DLGAP4: variants seen among roughly 807,000 people sequenced by gnomAD.
DLGAP4 encodes disks large-associated protein 4.
In DLGAP4, 18 loss-of-function variants were observed where a neutral mutation model predicts 86.9. That is an observed-to-expected ratio of 0.21 (90% CI 0.14 to 0.31). The LOEUF (loss-of-function observed/expected upper bound fraction) is 0.31, where lower values mean the gene tolerates loss of function less well. DLGAP4 is among the 10% of genes least tolerant of loss of function. The pLI, the probability that DLGAP4 is intolerant of heterozygous loss-of-function variation, is 1.00. For missense variants in DLGAP4, 1,085 were observed against 1,362.6 expected (o/e 0.80, Z 3.21); for synonymous variants, 548 against 574.3 (o/e 0.95, Z 0.65).
At chr20:36,317,437 T>C (rs1435066633) in intron 1 of DLGAP4, among the ~76,000 whole-genome samples, 1 of 2,730 alleles carries the variant, frequency 3.7e-4, no homozygotes, top group Non-Finnish European at 1.2e-3. Flanking sequence ...TTCTTCTTTC[T>C]TTTCTCCTTT....
intron 7 of DLGAP4, among the ~76,000 whole-genome samples, chr20:36,452,518 T>A (rs1222021442): frequency 9.1e-5 from 12 of 132,530 alleles, no homozygotes; most frequent in African/African-American, 3.3e-4. Context: ...CTTGTAAATC[T>A]TTTTTTTTTT....
At chr20:36,435,481 G>A (rs747093586) in intron 3 of DLGAP4, among the ~76,000 whole-genome samples, 11 of 152,186 alleles carry the variant, frequency 7.2e-5, no homozygotes, top group Non-Finnish European at 1.3e-4. Flanking sequence ...TCACAGCCCC[G>A]TTCCACGGAC....
intron 7 of DLGAP4, chr20:36,462,259 G>T: frequency 1.6e-6 from 2 of 1,264,578 alleles, no homozygotes; most frequent in South Asian, 4.0e-5. Context: ...CTTTCCCCTG[G>T]TTTGTCCCCT....
At chr20:36,331,806 G>T (rs1555891578) in intron 1 of DLGAP4, among the ~76,000 whole-genome samples, 1 of 152,158 alleles carries the variant, frequency 6.6e-6, no homozygotes, top group East Asian at 1.9e-4. Flanking sequence ...GGTGTCTGCT[G>T]GGGTGGTCAG....
intron 4 of DLGAP4, among the ~76,000 whole-genome samples, chr20:36,438,683 C>A (rs909282210): frequency 6.7e-6 from 1 of 149,076 alleles, no homozygotes; most frequent in African/African-American, 2.5e-5. Flanking sequence ...TGAGCCACCA[C>A]GCCTGGTCAG....
intron 7 of DLGAP4, among the ~76,000 whole-genome samples, chr20:36,464,572 G>A (rs553603571): frequency 1.3e-5 from 2 of 152,122 alleles, no homozygotes; most frequent in South Asian, 4.2e-4. Flanking sequence ...CCTGTCGACC[G>A]GGCGCGCTGG....
At chr20:36,506,570 T>C (rs964678340) in intron 10 of DLGAP4, among the ~76,000 whole-genome samples, 22 of 152,246 alleles carry the variant, frequency 1.4e-4, no homozygotes, top group Non-Finnish European at 1.3e-4. Flanking sequence ...GGTGGCTGCC[T>C]GTATTGACTG....
chr20:36,443,978 T>C (rs760089192), intron 6 of DLGAP4, among the ~76,000 whole-genome samples: 1 of 152,158 alleles, frequency 6.6e-6, no homozygotes, highest in Non-Finnish European at 1.5e-5. Context: ...CACGTTCACA[T>C]TGTGAGGAAA....
chr20:36,436,180 C>T lies in DLGAP4; in HGVS notation c.1071C>T (p.Gly357=), dbSNP rs773869237. 1.2e-6 allele frequency: 2 copies of T among 1,600,638 alleles called. No homozygotes were observed. The highest frequency in any genetic ancestry group is 1.7e-6 in the Non-Finnish European group (2 of 1,178,600). The change falls in exon 4 of 13, where the codon GGC becomes GGT. Residue 357 remains glycine, a synonymous_variant. Coordinates refer to ENST00000339266, the MANE Select transcript of DLGAP4 (RefSeq NM_001365621.2). ...SPRETDAAAE[G]PIPCRRMRSG... ...GCGAGACGGATGCCGCGGCCGAGGG[C>T]CCTATCCCGTGCCGGCGCATGCGCA...
intron 2 of DLGAP4, among the ~76,000 whole-genome samples, chr20:36,396,417 A>ACACGCACAC (rs2031973781): frequency 2.2e-5 from 1 of 45,284 alleles, no homozygotes; most frequent in African/African-American, 7.2e-5. Flanking sequence ...ACATACACAC[A>ACACGCACAC]CACACACCAC....
chr20:36,377,390 T>C (rs761223349), intron 2 of DLGAP4, among the ~76,000 whole-genome samples: 8 of 152,198 alleles, frequency 5.3e-5, no homozygotes, highest in Non-Finnish European at 1.2e-4. Flanking sequence ...GGTTTCCTCA[T>C]CTGTAATACA....
chr20:36,318,566 A>T (rs977506661), intron 1 of DLGAP4, among the ~76,000 whole-genome samples: 9 of 151,974 alleles, frequency 5.9e-5, no homozygotes, highest in Admixed American at 1.3e-4. Context: ...TAAAGATAGG[A>T]TCTCGCTTTG....
chr20:36,366,483 C>T (rs1453367888), intron 1 of DLGAP4, among the ~76,000 whole-genome samples: 1 of 152,218 alleles, frequency 6.6e-6, no homozygotes, highest in East Asian at 1.9e-4. Context: ...GGTGGTGATG[C>T]AGTGAAGGGC....
intron 10 of DLGAP4, among the ~76,000 whole-genome samples, chr20:36,502,758 C>G (rs931496734): frequency 6.6e-6 from 1 of 152,126 alleles, no homozygotes; most frequent in Admixed American, 6.5e-5. Context: ...CAGTCTTGCT[C>G]TGTCGCCCAG....
intron 2 of DLGAP4, among the ~76,000 whole-genome samples, chr20:36,384,269 C>G (rs1228156451): frequency 1.3e-5 from 2 of 152,010 alleles, no homozygotes; most frequent in Non-Finnish European, 2.9e-5. Flanking sequence ...GGGTGCTGTC[C>G]TCGGTTCTGT....
chr20:36,309,711 T>C lies in DLGAP4; in HGVS notation c.-304+3199T>C, dbSNP rs988494784. Among the ~76,000 whole-genome samples, 1,073 of 152,332 alleles carry C rather than the reference T, an allele frequency of 7.0e-3. 11 individuals are homozygous for C. Among genetic ancestry groups the C allele is most frequent in the African/African-American group, 0.024 (1,017 of 41,574 alleles). ...CCATTCATTTGCTCACATCATCACC[T>C]GTTTACCTGTTCAGCCCTTCCTTCA... On this transcript the variant is annotated intron_variant, in intron 1 of 12. Coordinates refer to ENST00000339266, the MANE Select transcript of DLGAP4 (RefSeq NM_001365621.2).
chr20:36,318,230 G>A (rs1337527877), intron 1 of DLGAP4, among the ~76,000 whole-genome samples: 6 of 151,806 alleles, frequency 4.0e-5, no homozygotes, highest in African/African-American at 1.5e-4. Context: ...GAGTGATAAG[G>A]GCTGTTTCTG....
chr20:36,436,875 A>AGAG (rs1246385425), intron 4 of DLGAP4, among the ~76,000 whole-genome samples: 2 of 151,002 alleles, frequency 1.3e-5, no homozygotes, highest in Non-Finnish European at 2.9e-5. Flanking sequence ...AGCCCCTCCC[A>AGAG]GAGGCTTTTC....
intron 10 of DLGAP4, among the ~76,000 whole-genome samples, chr20:36,514,358 C>T (rs148646090): frequency 5.9e-4 from 90 of 152,244 alleles, no homozygotes; most frequent in Non-Finnish European, 5.0e-4. Context: ...TTTTCCTGTA[C>T]AAGGAAGCAG....
Sources: allele counts gnomAD v4.1 joint callset (sites outside exome capture counted in the v4.1 genomes callset), GRCh38; gene constraint gnomAD v4.1.1; transcripts MANE v1.5; gene names NCBI Gene and HGNC (gene_info 2026-07-23, HGNC 2026-07-21).